The following DAB1 variants were observed in gnomAD, a reference collection of about 807,000 sequenced individuals.
DAB1 encodes the protein disabled homolog 1.
In DAB1, 15 loss-of-function variants were observed where a neutral mutation model predicts 64.6. That is an observed-to-expected ratio of 0.23 (90% confidence interval 0.16 to 0.36). The LOEUF (loss-of-function observed/expected upper bound fraction) is 0.36. Among genes scored for constraint, DAB1 ranks in the 10% least tolerant of loss-of-function variants. The pLI, the probability that DAB1 is intolerant of heterozygous loss-of-function variation, is 1.00. For synonymous variants in DAB1, 235 were observed against 251.9 expected (o/e 0.93, Z 0.64); for missense variants, 596 against 706.7 (o/e 0.84, Z 1.78).
At chr1:57,940,944 A>G (rs1228775702) in intron 5 of DAB1, among the ~76,000 whole-genome samples, 1 of 152,220 alleles carries the variant, frequency 6.6e-6, no homozygotes, top group African/African-American at 2.4e-5. Context: ...TACCTAATAC[A>G]ATACATGCTT....
intron 5 of DAB1, among the ~76,000 whole-genome samples, chr1:58,110,927 T>G (rs1015193194): frequency 6.6e-6 from 1 of 152,208 alleles, no homozygotes; most frequent in Non-Finnish European, 1.5e-5. Flanking sequence ...TTTCTCACAG[T>G]GTGCAGTTTT....
Position 58,516,552 on chromosome 1 carries a change from G to T in DAB1, n.108-10343C>A, listed in dbSNP as rs150265375. On this transcript the variant is annotated intron_variant and non_coding_transcript_variant, in intron 2 of 20. Coordinates refer to the DAB1 transcript ENST00000485760. ...ATATAACGACAAATGCCTTCCAAAT[G>T]AAAAATTAAAAGAACTCCTATAAAA... is the stretch of plus-strand genomic sequence containing the variant. Among the ~76,000 whole-genome samples, 297 of 152,186 alleles carry T rather than the reference G, an allele frequency of 2.0e-3. 1 individual carries two copies. Among genetic ancestry groups the T allele is most frequent in the Middle Eastern group, 6.8e-3 (2 of 292 alleles).
chr1:57,760,200 C>T (rs1323821), intron 6 of DAB1, among the ~76,000 whole-genome samples: 76,674 of 151,822 alleles, frequency 0.51, 20,050 homozygotes, highest in African/African-American at 0.63. Flanking sequence ...ACAGGAACAA[C>T]ATGGCTTTGA....
chr1:57,257,443 C>G (rs1246111484), intron 2 of DAB1, among the ~76,000 whole-genome samples: 1 of 152,198 alleles, frequency 6.6e-6, no homozygotes, highest in East Asian at 1.9e-4. Flanking sequence ...CATGCATTAT[C>G]TCTTTTACAT....
At chr1:57,851,770 G>A (rs1557516708) in intron 1 of DAB1, among the ~76,000 whole-genome samples, 1 of 152,192 alleles carries the variant, frequency 6.6e-6, no homozygotes, top group Non-Finnish European at 1.5e-5. Flanking sequence ...TGACATGCAA[G>A]TTCCTTCATG....
In DAB1 at chr1:58,020,330, A is replaced by C. The variant is rs571109032; in HGVS notation, n.387+130181T>G. 4.1e-4 allele frequency among the ~76,000 whole-genome samples: 63 copies of C among 152,338 alleles called. 1 individual carries two copies. In the South Asian group the frequency reaches 0.011, roughly 27 times the overall value. ...CACATAAAGCTATGGCCACCAATACATTAAAATAACTTTTTCTTCTTCCTT... is the reference window on the plus strand; with the variant it reads ...CACATAAAGCTATGGCCACCAATACCTTAAAATAACTTTTTCTTCTTCCTT... On this transcript the variant is annotated intron_variant and non_coding_transcript_variant, in intron 5 of 20. Coordinates refer to the DAB1 transcript ENST00000485760.
Position 57,877,551 on chromosome 1 carries a change from T to TA in DAB1, n.87+6447_87+6448insT, listed in dbSNP as rs1292013391. On this transcript the variant is annotated intron_variant and non_coding_transcript_variant, in intron 1 of 1. Coordinates refer to the DAB1 transcript ENST00000477280. ...TAAAAATCCTAATTGATTTATTTTT[T>TA]TTTTTTTTTTTTTTTTTTTTGAGAC... 1.4e-4 allele frequency among the ~76,000 whole-genome samples: 12 copies of TA among 87,118 alleles called. 3 individuals carry two copies. The highest frequency in any genetic ancestry group is 2.0e-4 in the African/African-American group (4 of 19,642). 57.2% of individuals were successfully genotyped at this position (87,118 alleles called of 152,430 possible).
At chr1:58,031,942 A>T (rs1242795960) in intron 5 of DAB1, among the ~76,000 whole-genome samples, 1 of 151,552 alleles carries the variant, frequency 6.6e-6, no homozygotes, top group Non-Finnish European at 1.5e-5. Flanking sequence ...AAAAAAAAAA[A>T]TCTTCCCTTT....
chr1:57,501,525 A>G (rs532509127), intron 7 of DAB1, among the ~76,000 whole-genome samples: 4 of 152,354 alleles, frequency 2.6e-5, no homozygotes, highest in East Asian at 1.9e-4. Context: ...GACACACAGC[A>G]ACAGATGCCA....
chr1:57,507,931 G>A (rs140227292), intron 7 of DAB1, among the ~76,000 whole-genome samples: 22 of 152,218 alleles, frequency 1.4e-4, no homozygotes, highest in Admixed American at 8.5e-4. Context: ...TACAGTGAGC[G>A]TTAGAATCAT....
intron 2 of DAB1, among the ~76,000 whole-genome samples, chr1:57,202,492 C>T (rs571786215): frequency 3.9e-5 from 6 of 152,244 alleles, no homozygotes; most frequent in Non-Finnish European, 8.8e-5. Flanking sequence ...CCTGCATTCA[C>T]TCTGTAATAA....
downstream of DAB1, among the ~76,000 whole-genome samples, chr1:57,823,039 C>T (rs191473750): frequency 0.01 from 1,499 of 143,028 alleles, 12 homozygotes; most frequent in Non-Finnish European, 0.014. Flanking sequence ...GGCTGGAGTG[C>T]AGTGGCGCGA....
chr1:58,017,496 C>T (rs781635591), intron 5 of DAB1, among the ~76,000 whole-genome samples: 1 of 152,172 alleles, frequency 6.6e-6, no homozygotes, highest in South Asian at 2.1e-4. Context: ...CTCCAGCTGC[C>T]TCTGCCCTGT....
At chr1:58,427,351 G>A (rs1644831500) in intron 3 of DAB1, among the ~76,000 whole-genome samples, 1 of 152,000 alleles carries the variant, frequency 6.6e-6, no homozygotes, top group South Asian at 2.1e-4. Context: ...GAGATAGGAA[G>A]GCCTTGACAG....
chr1:57,198,519 T>C (rs1664814840), intron 2 of DAB1, among the ~76,000 whole-genome samples: 1 of 152,006 alleles, frequency 6.6e-6, no homozygotes, highest in South Asian at 2.1e-4. Context: ...TGGCCTTCTC[T>C]CAATCCCTCA....
intron 7 of DAB1, among the ~76,000 whole-genome samples, chr1:57,527,604 A>G (rs1160704593): frequency 6.6e-6 from 1 of 152,202 alleles, no homozygotes; most frequent in Non-Finnish European, 1.5e-5. Context: ...ATACATACAT[A>G]AAAGTGCATA....
chr1:57,056,181 T>C, intron 9 of DAB1, among the ~76,000 whole-genome samples: 1 of 151,848 alleles, frequency 6.6e-6, no homozygotes, highest in East Asian at 1.9e-4. Flanking sequence ...CATTAGAAAA[T>C]ACTGCTCCAT....
At chr1:57,694,381 T>C (rs1309205390) in intron 6 of DAB1, among the ~76,000 whole-genome samples, 1 of 152,044 alleles carries the variant, frequency 6.6e-6, no homozygotes, top group Non-Finnish European at 1.5e-5. Flanking sequence ...TAGTGTGCTA[T>C]CAGAGGAGGA....
At chr1:58,150,922 T>A (rs1045945943) in intron 4 of DAB1, among the ~76,000 whole-genome samples, 17 of 152,012 alleles carry the variant, frequency 1.1e-4, no homozygotes, top group Admixed American at 8.5e-4. Flanking sequence ...AATTCCCACC[T>A]ATGAGTGAGA....
Sources: gnomAD v4.1 joint callset for allele counts (sites outside exome capture counted in the v4.1 genomes callset) on GRCh38, gnomAD v4.1.1 for gene constraint, MANE v1.5 for transcripts, NCBI Gene and HGNC (gene_info 2026-07-23, HGNC 2026-07-21) for gene names.